The following PRDX6 variants were observed in gnomAD, a reference collection of about 807,000 sequenced individuals.
The protein encoded by PRDX6 is peroxiredoxin 6, also known as peroxiredoxin-6.
Under a neutral mutation model 20.0 loss-of-function variants are expected in PRDX6, and 13 were observed. The ratio of observed to expected loss-of-function variants is 0.65; its 90% confidence interval spans 0.42 to 1.03. The LOEUF is 1.03. PRDX6 is among the 50% of genes least tolerant of loss of function. The pLI, the probability that PRDX6 is intolerant of heterozygous loss-of-function variation, is 0.00. For missense variants in PRDX6, 203 were observed against 276.9 expected, an observed-to-expected ratio of 0.73 and a Z score of 1.89; for synonymous variants, 85 against 100.8, an observed-to-expected ratio of 0.84 and a Z score of 0.94.
At chr1:173,484,141 G>T (rs9425726) in intron 2 of PRDX6, among the ~76,000 whole-genome samples, 98,115 of 124,738 alleles carry the variant, frequency 0.79, 39,260 homozygotes, top group East Asian at 0.99. Context: ...AAAAAAATTA[G>T]ATATATATAT....
intron 4 of PRDX6, among the ~76,000 whole-genome samples, chr1:173,487,469 C>T (rs1447257442): frequency 6.6e-6 from 1 of 152,104 alleles, no homozygotes; most frequent in Non-Finnish European, 1.5e-5. Context: ...GCTTGCAGGC[C>T]ATGATACTCA....
chr1:173,484,116 CAA>C lies in PRDX6; in HGVS notation c.253-1225_253-1224del, dbSNP rs1231778337. ...CCTGGGCGACAGCAAGACTCTGTCT[CAA>C]AAAAAAAAAAAAAAAAAAATTAGAT... On this transcript the variant is annotated intron_variant, in intron 2 of 4. Transcript: ENST00000340385. Among the ~76,000 whole-genome samples the C allele has an allele frequency of 2.2e-3, 112 of 50,418 alleles. 3 individuals are homozygous for C. The highest frequency in any genetic ancestry group is 8.3e-3 in the African/African-American group (88 of 10,652). 33.1% of individuals were successfully genotyped at this position (50,418 alleles called of 152,430 possible).
chr1:173,478,963 T>C (rs1658755466), intron 1 of PRDX6, among the ~76,000 whole-genome samples: 1 of 152,204 alleles, frequency 6.6e-6, no homozygotes, highest in Admixed American at 6.5e-5. Context: ...ATCTAGGTAG[T>C]AATATTTCTC....
intron 4 of PRDX6, 50 bp downstream of exon 4, chr1:173,486,451 C>G (rs1658900019): frequency 6.5e-7 from 1 of 1,546,440 alleles, no homozygotes; most frequent in Non-Finnish European, 8.8e-7. Flanking sequence ...AAGGGCCAGT[C>G]TCTAAATGGC....
In PRDX6 at chr1:173,487,735, G is replaced by C; in HGVS notation, c.547G>C (p.Asp183His). Residue 183 changes from aspartate to histidine, a missense_variant and splice_region_variant, in exon 5 of 5, where the codon GAT (aspartate) becomes CAT (histidine). Physicochemically the swap from Asp to His is moderately conservative, Grantham distance 81. Transcript: ENST00000340385. ...KRVATPVDWK[D>H]GDSVMVLPTI... is the part of the protein sequence containing the mutation. ...CACCATTCTCAATGTCTTTCAATAG[G>C]ATGGGGATAGTGTGATGGTCCTTCC... The C allele has an allele frequency of 6.2e-7, 1 of 1,614,084 alleles. No homozygotes were observed.
chr1:173,481,572 T>A, intron 2 of PRDX6, 90 bp downstream of exon 2: 1 of 1,355,220 alleles, frequency 7.4e-7, no homozygotes, highest in Non-Finnish European at 1.0e-6. Context: ...AAGGTACAAG[T>A]AAGCCTTAGG....
chr1:173,477,691 G>C (rs970993842), intron 1 of PRDX6, among the ~76,000 whole-genome samples, 199 bp downstream of exon 1: 2 of 152,198 alleles, frequency 1.3e-5, no homozygotes, highest in East Asian at 3.9e-4. Context: ...GCTGGCACCC[G>C]TTCGGCCTGC....
intron 1 of PRDX6, 47 bp downstream of exon 1, chr1:173,477,539 C>T (rs751818204): frequency 6.9e-7 from 1 of 1,455,214 alleles, no homozygotes; most frequent in African/African-American, 1.4e-5. Context: ...TTGCGCCGGA[C>T]TCGGAGGTGC....
chr1:173,481,704 G>A (rs34761659), intron 2 of PRDX6: 6,892 of 531,074 alleles, frequency 0.013, 69 homozygotes, highest in Non-Finnish European at 0.018. Context: ...CAACCCAGCT[G>A]ATCACTGTAC....
intron 4 of PRDX6, among the ~76,000 whole-genome samples, chr1:173,486,712 A>C (rs1174252723): frequency 6.6e-6 from 1 of 152,236 alleles, no homozygotes; most frequent in Non-Finnish European, 1.5e-5. Context: ...CTGATGGCAA[A>C]ATATTTATCG....
At chr1:173,480,861 A>G (rs1461547808) in intron 1 of PRDX6, among the ~76,000 whole-genome samples, 1 of 152,222 alleles carries the variant, frequency 6.6e-6, no homozygotes, top group Non-Finnish European at 1.5e-5. Context: ...TTTGTTTATT[A>G]TTGCAGTCAG....
At chr1:173,478,463 T>C (rs1357538185) in intron 1 of PRDX6, among the ~76,000 whole-genome samples, 1 of 152,140 alleles carries the variant, frequency 6.6e-6, no homozygotes, top group Non-Finnish European at 1.5e-5. Context: ...TGACCTGTGA[T>C]CTGACTTGGC....
Position 173,486,386 on chromosome 1 carries a change from C to T in PRDX6, c.531C>T (p.Thr177=). The T allele has an allele frequency of 6.2e-7, 1 of 1,607,774 alleles. No individual in the cohort carries two copies. Among genetic ancestry groups the T allele is most frequent in the Non-Finnish European group, 8.5e-7 (1 of 1,177,420 alleles). The change falls in exon 4 of 5, where the codon ACC becomes ACT. Residue 177 remains threonine, a synonymous_variant. Transcript: ENST00000340385. ...LQLTAEKRVA[T]PVDWKDGDSV... ...TGACAGCAGAAAAAAGGGTTGCCACCCCAGTTGATTGGAAGGTAAAGATGT... is the reference window on the plus strand; with the variant it reads ...TGACAGCAGAAAAAAGGGTTGCCACTCCAGTTGATTGGAAGGTAAAGATGT...
At chr1:173,477,662 G>T (rs1036754595) in intron 1 of PRDX6, among the ~76,000 whole-genome samples, 170 bp downstream of exon 1, 14 of 152,182 alleles carry the variant, frequency 9.2e-5, no homozygotes, top group Admixed American at 5.9e-4. Flanking sequence ...TCTGCTCAGC[G>T]TCGGCTGCGC....
At chr1:173,483,050 T>C (rs1046711948) in intron 2 of PRDX6, among the ~76,000 whole-genome samples, 2 of 152,230 alleles carry the variant, frequency 1.3e-5, no homozygotes, top group Non-Finnish European at 2.9e-5. Context: ...TAGGATAGGT[T>C]CTTTGGTGTT....
At position 173,487,851 on chromosome 1, in the gene PRDX6, A is replaced by G. The variant is rs567076041; in HGVS notation, c.663A>G (p.Thr221=). The G allele has an allele frequency of 1.2e-6, 2 of 1,612,658 alleles. No individual in the cohort carries two copies. The highest frequency in any genetic ancestry group is 2.2e-5 in the South Asian group (2 of 91,014). Reference sequence around the variant, plus strand: ...CTGGCAAGAAATACCTCCGCTACACACCCCAGCCTTAAGTCTCTTGGAGAA... The same window carrying G: ...CTGGCAAGAAATACCTCCGCTACACGCCCCAGCCTTAAGTCTCTTGGAGAA... ...LPSGKKYLRY[T]PQP The change falls in exon 5 of 5, where the codon ACA becomes ACG. Residue 221 remains threonine (T), a synonymous_variant. Transcript: ENST00000340385.
rs753211585 is a variant in PRDX6 at position 173,485,343 on chromosome 1, C to T, written c.253-18C>T. 1.3e-6 allele frequency: 2 copies of T among 1,558,514 alleles called. No individual in the cohort carries two copies. Among genetic ancestry groups the T allele is most frequent in the East Asian group, 4.7e-5 (2 of 42,334 alleles). ...TGTTGGGTTTAGATTCCTCTTTCCC[C>T]TTTTACTTGTGTTTCAGGATATCAA... On this transcript the variant is annotated intron_variant, in intron 2 of 4. Coordinates refer to ENST00000340385, the MANE Select transcript of PRDX6 (RefSeq NM_004905.3).
At chr1:173,477,754 GCAAGGCCACGC>G in intron 1 of PRDX6, among the ~76,000 whole-genome samples, 1 of 152,368 alleles carries the variant, frequency 6.6e-6, no homozygotes, top group South Asian at 2.1e-4. Flanking sequence ...GCGTGGCTGG[GCAAGGCCACGC>G]CAAGGTGGGG....
chr1:173,487,706 A>C (rs1225354873), intron 4 of PRDX6, 29 bp from the exon 5 acceptor site: 1 of 1,612,262 alleles, frequency 6.2e-7, no homozygotes, highest in Non-Finnish European at 8.5e-7. Flanking sequence ...ATGAGATTGA[A>C]TTTCACCATT....
Sources: allele counts gnomAD v4.1 joint callset (sites outside exome capture counted in the v4.1 genomes callset), GRCh38; gene constraint gnomAD v4.1.1; transcripts MANE v1.5; gene names NCBI Gene and HGNC (gene_info 2026-07-23, HGNC 2026-07-21).